Variants in KCNN3 observed in about 807,000 individuals in gnomAD.
The protein encoded by KCNN3 is potassium calcium-activated channel subfamily N member 3, also known as small conductance calcium-activated potassium channel protein 3.
In KCNN3, 16 loss-of-function variants were observed where a neutral mutation model predicts 62.9. The observed-to-expected ratio is 0.25, with a 90% CI of 0.17 to 0.39. KCNN3 has a LOEUF of 0.39. Among genes scored for constraint, KCNN3 ranks in the 10% least tolerant of loss-of-function variants. The probability of loss-of-function intolerance (pLI) is 1.00; values close to 1 mark genes in which losing one functional copy is unlikely to be tolerated. For missense variants in KCNN3, 599 were observed against 949.4 expected, an observed-to-expected ratio of 0.63 and a Z score of 4.85; for synonymous variants, 370 against 389.2, an observed-to-expected ratio of 0.95 and a Z score of 0.58.
At position 154,701,980 on chromosome 1, in the gene KCNN3, A is replaced by G. The variant is rs1263874370; in HGVS notation, c.*5996T>C. ...TATGTAATGAGGCCTTTGAATTTAT[A>G]TAGAAAGAGCCTGAACTTTTATTAA... On this transcript the variant is annotated 3_prime_UTR_variant, in exon 8 of 8. Transcript: ENST00000271915. 2.0e-5 allele frequency: 3 copies of G among 152,216 alleles called. No homozygotes were observed. Among genetic ancestry groups the G allele is most frequent in the East Asian group, 3.8e-4 (2 of 5,206 alleles). 9.4% of individuals were successfully genotyped at this position (152,216 alleles called of 1,614,324 possible).
At chr1:154,794,255 C>T (rs1454140154) in intron 2 of KCNN3, among the ~76,000 whole-genome samples, 4 of 152,210 alleles carry the variant, frequency 2.6e-5, no homozygotes, top group Admixed American at 6.5e-5. Flanking sequence ...TAATGTCTGG[C>T]CTGTTCTGAG....
At chr1:154,776,123 A>G (rs569868500) in intron 2 of KCNN3, among the ~76,000 whole-genome samples, 71 of 152,238 alleles carry the variant, frequency 4.7e-4, no homozygotes, top group Admixed American at 1.8e-3. Context: ...TTGCTGGTGC[A>G]GGGAAGGTGG....
intron 1 of KCNN3, among the ~76,000 whole-genome samples, chr1:154,834,725 G>A (rs1351729881): frequency 6.6e-6 from 1 of 152,130 alleles, no homozygotes; most frequent in African/African-American, 2.4e-5. Context: ...GGAAGGAACT[G>A]TCCCCACTTG....
At chr1:154,860,284 T>A (rs1652712436) in intron 1 of KCNN3, among the ~76,000 whole-genome samples, 1 of 152,222 alleles carries the variant, frequency 6.6e-6, no homozygotes. Context: ...CTGTCCCAGG[T>A]CAGCTTCCTA....
Position 154,772,023 on chromosome 1 carries a change from C to T in KCNN3, c.1400G>A (p.Ser467Asn). 1 of 1,614,156 alleles carries T rather than the reference C, an allele frequency of 6.2e-7. No individual in the cohort carries two copies. The highest frequency in any genetic ancestry group is 2.2e-5 in the East Asian group (1 of 44,882). The change falls in exon 3 of 8, where the codon AGC (serine) becomes AAC (asparagine). Residue 467 changes from serine to asparagine, a missense_variant. Physicochemically the swap from Ser to Asn is conservative, Grantham distance 46 (BLOSUM62 1). Coordinates refer to ENST00000271915, the MANE Select transcript of KCNN3 (RefSeq NM_002249.6). The surrounding 1 kb of genome is among the most constrained non-coding windows in gnomAD (Gnocchi z 5.6). ...ICPGTVLLVF[S>N]ISLWIIAAWT... ...GGCAGCAATGATCCACAGAGAGATG[C>T]TGAACACGAGCAGCACAGTGCCAGG... is the stretch of plus-strand genomic sequence containing the variant.
intron 3 of KCNN3, among the ~76,000 whole-genome samples, chr1:154,743,249 C>T (rs1452286008): frequency 6.6e-6 from 1 of 152,136 alleles, no homozygotes; most frequent in Admixed American, 6.5e-5. Flanking sequence ...GGATCAGCAC[C>T]GCCCTCTCAC....
chr1:154,838,007 A>T (rs1056189957), intron 1 of KCNN3, among the ~76,000 whole-genome samples: 1 of 152,212 alleles, frequency 6.6e-6, no homozygotes, highest in Non-Finnish European at 1.5e-5. Flanking sequence ...TTACGAGGGC[A>T]GGAGTGCACA....
At chr1:154,867,846 G>T in intron 1 of KCNN3, 1 of 490,130 alleles carries the variant, frequency 2.0e-6, no homozygotes, top group Non-Finnish European at 2.6e-6. Context: ...AATTGGGGGT[G>T]GGGGTATCGT....
chr1:154,846,404 T>C (rs1403459095), intron 1 of KCNN3, among the ~76,000 whole-genome samples: 3 of 152,218 alleles, frequency 2.0e-5, no homozygotes, highest in Middle Eastern at 3.2e-3. Flanking sequence ...CCGAGGCTCC[T>C]TTCTGGAGGA....
At chr1:154,794,903 G>A (rs1169112947) in intron 2 of KCNN3, among the ~76,000 whole-genome samples, 4 of 152,294 alleles carry the variant, frequency 2.6e-5, no homozygotes, top group Non-Finnish European at 4.4e-5. Flanking sequence ...CAGGGAGCTC[G>A]TTTTCACTGA....
chr1:154,786,328 A>G (rs1649282574), intron 2 of KCNN3, among the ~76,000 whole-genome samples: 1 of 152,260 alleles, frequency 6.6e-6, no homozygotes, highest in African/African-American at 2.4e-5. Flanking sequence ...ACAAGATAGA[A>G]AAAGAAATCA....
intron 7 of KCNN3, among the ~76,000 whole-genome samples, chr1:154,711,773 A>G (rs1700079590): frequency 6.6e-6 from 1 of 152,230 alleles, no homozygotes; most frequent in Non-Finnish European, 1.5e-5. Flanking sequence ...CTGAGAATTT[A>G]GAATTAAGAC....
intron 1 of KCNN3, chr1:154,868,046 C>G (rs1436738459): frequency 7.1e-6 from 7 of 985,416 alleles, no homozygotes; most frequent in Admixed American, 1.2e-4. Context: ...CCCGCTAAAG[C>G]CAGTGCCTGC....
At chr1:154,714,407 G>T (rs1263616046) in intron 6 of KCNN3, among the ~76,000 whole-genome samples, 1 of 104,798 alleles carries the variant, frequency 9.5e-6, no homozygotes, top group Non-Finnish European at 2.0e-5. Flanking sequence ...TGTGGTGTTT[G>T]TGTGTGGTGT....
At chr1:154,732,854 A>G (rs1452636489) in intron 4 of KCNN3, 149 bp downstream of exon 4, 1 of 783,752 alleles carries the variant, frequency 1.3e-6, no homozygotes, top group Non-Finnish European at 2.2e-6. Context: ...CCCACCTGAC[A>G]TTTTATGTGT....
chr1:154,788,593 A>G (rs1649383176), intron 2 of KCNN3, among the ~76,000 whole-genome samples: 1 of 152,058 alleles, frequency 6.6e-6, no homozygotes, highest in Admixed American at 6.6e-5. Context: ...ATTTTCATGA[A>G]GATTACCATA....
At chr1:154,807,358 C>T (rs1417054199) in intron 2 of KCNN3, among the ~76,000 whole-genome samples, 1 of 152,184 alleles carries the variant, frequency 6.6e-6, no homozygotes, top group African/African-American at 2.4e-5. Flanking sequence ...CTGCTCCTTC[C>T]CAAGCCACGC....
chr1:154,814,702 G>C (rs569477482), intron 2 of KCNN3, among the ~76,000 whole-genome samples: 2 of 152,342 alleles, frequency 1.3e-5, no homozygotes, highest in Admixed American at 1.3e-4. Flanking sequence ...TAATGTATCA[G>C]CTCTGAGCTT....
intron 1 of KCNN3, among the ~76,000 whole-genome samples, chr1:154,848,547 G>A (rs1056504048): frequency 6.6e-6 from 1 of 152,044 alleles, no homozygotes; most frequent in Non-Finnish European, 1.5e-5. Flanking sequence ...AGTTCGTGAA[G>A]CCCCCACTAC....
Sources: allele counts gnomAD v4.1 joint callset (sites outside exome capture counted in the v4.1 genomes callset), GRCh38; gene constraint gnomAD v4.1.1; non-coding constraint Gnocchi (gnomAD v3.1); transcripts MANE v1.5; gene names NCBI Gene and HGNC (gene_info 2026-07-23, HGNC 2026-07-21).